Variants in PRKAA1 observed in about 807,000 individuals in gnomAD.
The protein encoded by PRKAA1 is 5'-AMP-activated protein kinase catalytic subunit alpha-1.
Under a neutral mutation model 56.9 loss-of-function variants are expected in PRKAA1, and 23 were observed. The ratio of observed to expected loss-of-function variants is 0.40; its 90% confidence interval spans 0.29 to 0.57. PRKAA1 has a LOEUF of 0.57. Among genes scored for constraint, PRKAA1 ranks in the 20% least tolerant of loss-of-function variants. PRKAA1 has a pLI of 0.39. For synonymous variants in PRKAA1, 226 were observed against 227.0 expected, an observed-to-expected ratio of 1.00 and a Z score of 0.04; for missense variants, 413 against 679.7, an observed-to-expected ratio of 0.61 and a Z score of 4.36.
Position 40,762,987 on chromosome 5 carries a change from G to A in PRKAA1, c.1471C>T (p.Pro491Ser), listed in dbSNP as rs780136282. ...ITEAKSGTATPQRSGSVSNYR... is the reference protein window; with the variant it reads ...ITEAKSGTATSQRSGSVSNYR... ...TTGCTAACTGATCCCGATCTCTGTG[G>A]AGTAGCAGTCCCTGATTTGGCTTCT... Residue 491 changes from proline to serine, a missense_variant, in exon 9 of 9, where the codon CCA (proline) becomes TCA (serine). Physicochemically the swap from Pro to Ser is moderately conservative, Grantham distance 74. Coordinates refer to ENST00000397128, the MANE Select transcript of PRKAA1 (RefSeq NM_006251.6). 1 of 1,614,120 alleles carries A rather than the reference G, an allele frequency of 6.2e-7. No individual in the cohort carries two copies. Among genetic ancestry groups the A allele is most frequent in the Non-Finnish European group, 8.5e-7 (1 of 1,179,984 alleles).
Position 40,765,130 on chromosome 5 carries a change from CTT to C in PRKAA1, c.928_929del (p.Lys310ValfsTer2). Reference protein sequence around the residue: ...DDEALKEVCEKFECSEEEVLS... With the variant: ...DDEALKEVCEXFECSEEEVLS... ...GAACTTCCTCTTCTGAGCACTCAAA[CTT>C]TTCACATACTTCTTTTAAGGCTTCA... On this transcript the variant is annotated frameshift_variant, in exon 7 of 9. Coordinates refer to ENST00000397128, the MANE Select transcript of PRKAA1 (RefSeq NM_006251.6). LOFTEE classifies it high-confidence loss of function. 6.2e-7 allele frequency: 1 copy of C among 1,614,162 alleles called. No homozygotes were observed. The highest frequency in any genetic ancestry group is 8.5e-7 in the Non-Finnish European group (1 of 1,180,010).
At position 40,767,245 on chromosome 5, in the gene PRKAA1, TA is replaced by T. The variant is rs146891660; in HGVS notation, c.821+220del. On this transcript the variant is annotated intron_variant, in intron 6 of 8. Transcript: ENST00000397128. ...AAATTTCAAAACAAAGATGTGTAAG[TA>T]AAAAGTGAAAGCCCTCCCTCTTACG... is the stretch of plus-strand genomic sequence containing the variant. Among the ~76,000 whole-genome samples the T allele has an allele frequency of 1.1e-3, 168 of 152,288 alleles. 1 individual carries two copies. The East Asian group carries it at 0.027, about 25-fold the overall frequency.
intron 5 of PRKAA1, chr5:40,768,380 A>G (rs1018864478): frequency 2.8e-5 from 25 of 889,520 alleles, no homozygotes; most frequent in Non-Finnish European, 3.2e-5. Context: ...CCCATTGCAT[A>G]TATGCACAGT....
chr5:40,793,833 G>A (rs1744814406), intron 1 of PRKAA1, among the ~76,000 whole-genome samples: 1 of 152,144 alleles, frequency 6.6e-6, no homozygotes, highest in African/African-American at 2.4e-5. Context: ...CAGCACGGTG[G>A]TTCAGGCCTG....
At chr5:40,786,558 A>G (rs1186671259) in intron 1 of PRKAA1, among the ~76,000 whole-genome samples, 2 of 151,850 alleles carry the variant, frequency 1.3e-5, no homozygotes. Flanking sequence ...GGGTTCAACC[A>G]CAGGCTACAT....
chr5:40,772,442 C>G (rs1317966817), intron 3 of PRKAA1, among the ~76,000 whole-genome samples: 3 of 148,974 alleles, frequency 2.0e-5, no homozygotes, highest in Non-Finnish European at 4.5e-5. Flanking sequence ...TATTTAAGCA[C>G]TATTCATAAA....
At chr5:40,789,480 T>C (rs930191890) in intron 1 of PRKAA1, among the ~76,000 whole-genome samples, 4 of 152,156 alleles carry the variant, frequency 2.6e-5, no homozygotes, top group Admixed American at 1.3e-4. Context: ...ATAGAATTAC[T>C]ATATGATCCA....
chr5:40,786,617 T>C (rs1218761279), intron 1 of PRKAA1, among the ~76,000 whole-genome samples: 1 of 151,240 alleles, frequency 6.6e-6, no homozygotes, highest in Non-Finnish European at 1.5e-5. Flanking sequence ...CTGGAAATCA[T>C]ACAATCTGAA....
chr5:40,774,963 C>T (rs959102764), intron 3 of PRKAA1: 2 of 1,604,698 alleles, frequency 1.2e-6, no homozygotes, highest in Non-Finnish European at 8.5e-7. Flanking sequence ...ACTCCAGGTA[C>T]ATCAGATTTC....
At chr5:40,776,581 A>G (rs1025966240) in intron 2 of PRKAA1, among the ~76,000 whole-genome samples, 8 of 152,238 alleles carry the variant, frequency 5.3e-5, no homozygotes, top group African/African-American at 1.9e-4. Context: ...CCAGTTCAGG[A>G]GAAAAACCTA....
rs1291701496 is a variant in PRKAA1, at chr5:40,761,814, AAG to A, written c.*962_*963del. ...TATGCAACTCAGCTCTTGTAACAAA[AAG>A]AACATTTTGTGTACAGAATATCGTG... On this transcript the variant is annotated 3_prime_UTR_variant, in exon 9 of 9. Transcript: ENST00000397128. The A allele has an allele frequency of 1.3e-5, 2 of 152,474 alleles. No individual in the cohort carries two copies. The highest frequency in any genetic ancestry group is 3.8e-4 in the East Asian group (2 of 5,324). The allele number at this position is 152,474 out of a possible 1,614,324, so 9.4% of individuals were successfully genotyped here. A position where few individuals can be genotyped will look rare whatever the true frequency, so the allele number is the denominator to read the frequency against.
intron 1 of PRKAA1, among the ~76,000 whole-genome samples, chr5:40,794,118 G>A (rs1486684649): frequency 2.0e-5 from 3 of 149,948 alleles, no homozygotes; most frequent in Non-Finnish European, 3.0e-5. Flanking sequence ...AAAAAAAAGT[G>A]TTCCCTGTTC....
At chr5:40,791,829 T>G (rs1434011424) in intron 1 of PRKAA1, among the ~76,000 whole-genome samples, 2 of 152,242 alleles carry the variant, frequency 1.3e-5, no homozygotes, top group Non-Finnish European at 2.9e-5. Flanking sequence ...AAGCCCTGCA[T>G]GACTCCTCCC....
In PRKAA1 at chr5:40,769,514, A is replaced by T; in HGVS notation, c.509-11T>A. ...TCATGTTTGAAAGACCTGAAAGTGCACAAAATCAGCTACTCAAAAGATTTC... is the reference window on the plus strand; with the variant it reads ...TCATGTTTGAAAGACCTGAAAGTGCTCAAAATCAGCTACTCAAAAGATTTC... On this transcript the variant is annotated splice_polypyrimidine_tract_variant and intron_variant, in intron 4 of 8. Transcript: ENST00000397128. 1 of 1,591,472 alleles carries T rather than the reference A, an allele frequency of 6.3e-7. No homozygotes were observed. The highest frequency in any genetic ancestry group is 8.6e-7 in the Non-Finnish European group (1 of 1,165,742).
intron 3 of PRKAA1, among the ~76,000 whole-genome samples, chr5:40,772,250 C>T (rs968262217): frequency 4.6e-5 from 7 of 152,182 alleles, no homozygotes; most frequent in African/African-American, 1.7e-4. Flanking sequence ...CAACGTGCTA[C>T]ACATTGCTTT....
At chr5:40,795,690 G>C (rs1345927356) in intron 1 of PRKAA1, among the ~76,000 whole-genome samples, 6 of 152,204 alleles carry the variant, frequency 3.9e-5, no homozygotes, top group African/African-American at 1.4e-4. Context: ...TCTATTACTT[G>C]TGGCAAAAAG....
chr5:40,780,697 C>T (rs961726332), intron 1 of PRKAA1, among the ~76,000 whole-genome samples: 6 of 152,100 alleles, frequency 3.9e-5, no homozygotes, highest in Admixed American at 3.3e-4. Flanking sequence ...TGCCAACAAG[C>T]CTGGAGTTCT....
chr5:40,767,787 A>G, intron 5 of PRKAA1, 97 bp from the exon 6 acceptor site: 1 of 1,070,162 alleles, frequency 9.3e-7, no homozygotes, highest in East Asian at 2.5e-5. Flanking sequence ...AAGAATTCTT[A>G]AGCAGAATAT....
chr5:40,763,584 G>T (rs1743291013), intron 8 of PRKAA1, among the ~76,000 whole-genome samples: 2 of 151,992 alleles, frequency 1.3e-5, no homozygotes, highest in Non-Finnish European at 2.9e-5. Flanking sequence ...CAATTCCAAT[G>T]AATAAAAATC....
Sources: gnomAD v4.1 joint callset for allele counts (sites outside exome capture counted in the v4.1 genomes callset) on GRCh38, gnomAD v4.1.1 for gene constraint, MANE v1.5 for transcripts, NCBI Gene and HGNC (gene_info 2026-07-23, HGNC 2026-07-21) for gene names.